ZNF503: variants seen among roughly 807,000 people sequenced by gnomAD.
ZNF503 encodes the protein zinc finger protein 503, also known as NocA-like zinc finger 2.
A neutral mutation model predicts 34.4 loss-of-function variants in ZNF503; 15 were observed. The ratio of observed to expected loss-of-function variants is 0.44; its 90% CI spans 0.29 to 0.67. ZNF503 has a LOEUF of 0.67. Ranked by LOEUF, ZNF503 falls within the 30% of genes least tolerant of loss-of-function variation. The pLI, the probability that ZNF503 is intolerant of heterozygous loss-of-function variation, is 0.13. For synonymous variants in ZNF503, 580 were observed against 456.8 expected (o/e 1.27, Z -3.44); for missense variants, 1,007 against 926.8 (o/e 1.09, Z -1.12).
chr10:75,319,297 C>T, the ZNF503 span, among the ~76,000 whole-genome samples: 1 of 152,108 alleles, frequency 6.6e-6, no homozygotes, highest in African/African-American at 2.4e-5. Flanking sequence ...AAAATTATAA[C>T]ACCATCTTAG....
the ZNF503 span, among the ~76,000 whole-genome samples, chr10:75,306,446 A>G: frequency 6.6e-6 from 1 of 152,186 alleles, no homozygotes; most frequent in African/African-American, 2.4e-5. Flanking sequence ...CTGGATATAA[A>G]TCTCTAATAT....
chr10:75,326,330 A>G, the ZNF503 span, among the ~76,000 whole-genome samples: 3 of 152,100 alleles, frequency 2.0e-5, no homozygotes, highest in Admixed American at 2.0e-4. Context: ...TCTTTTCTGA[A>G]TATCTGTGAT....
chr10:75,301,489 C>T, the ZNF503 span, among the ~76,000 whole-genome samples: 1 of 152,198 alleles, frequency 6.6e-6, no homozygotes, highest in African/African-American at 2.4e-5. Context: ...AATCCACCCA[C>T]CTTGGCCTCC....
At position 75,400,091 on chromosome 10, in the gene ZNF503, C is replaced by T. The variant is rs750863862; in HGVS notation, c.599G>A (p.Gly200Asp). The T allele has an allele frequency of 6.5e-7, 1 of 1,545,064 alleles. No individual in the cohort carries two copies. Among genetic ancestry groups the T allele is most frequent in the Non-Finnish European group, 8.7e-7 (1 of 1,146,076 alleles). Residue 200 changes from glycine (G) to aspartate (D), a missense_variant, in exon 2 of 2, where the codon GGC (glycine) becomes GAC (aspartate). By Grantham distance (94) the Gly-to-Asp change is moderately conservative. Transcript: ENST00000372524. ...GGGGGGGGGGGGGGGVSSEKS... is the reference protein window; with the variant it reads ...GGGGGGGGGGDGGGGVSSEKS... ...CTCCGACGAAACACCCCCGCCGCCG[C>T]CCCCGCCACCGCCACCGCCTCCACC...
At chr10:75,372,562 G>C in the ZNF503 span, among the ~76,000 whole-genome samples, 1 of 152,222 alleles carries the variant, frequency 6.6e-6, no homozygotes, top group African/African-American at 2.4e-5. Context: ...CCTGGCCAGG[G>C]TGGCCAGAGT....
the ZNF503 span, among the ~76,000 whole-genome samples, chr10:75,377,760 G>T: frequency 6.6e-6 from 1 of 152,194 alleles, no homozygotes; most frequent in African/African-American, 2.4e-5. Context: ...AGGTCTGCAT[G>T]GCCACACATG....
the ZNF503 span, among the ~76,000 whole-genome samples, chr10:75,282,452 T>C: frequency 2.6e-5 from 4 of 152,058 alleles, no homozygotes; most frequent in East Asian, 3.9e-4. Flanking sequence ...AGCAGGAAGA[T>C]AGAAAGAGTC....
chr10:75,336,785 G>C, the ZNF503 span, among the ~76,000 whole-genome samples: 1 of 152,182 alleles, frequency 6.6e-6, no homozygotes, highest in Non-Finnish European at 1.5e-5. Context: ...CTGTGGGACT[G>C]AGGTCCCCAT....
chr10:75,376,896 C>G, the ZNF503 span, among the ~76,000 whole-genome samples: 1 of 152,114 alleles, frequency 6.6e-6, no homozygotes, highest in Admixed American at 6.5e-5. Context: ...GGGAACCGCC[C>G]CATGATTCAA....
the ZNF503 span, among the ~76,000 whole-genome samples, chr10:75,336,850 T>C: frequency 6.6e-6 from 1 of 152,196 alleles, no homozygotes; most frequent in East Asian, 1.9e-4. Context: ...CTCAGATCCT[T>C]CCATGTGGCC....
At chr10:75,300,819 C>T in the ZNF503 span, among the ~76,000 whole-genome samples, 1 of 150,146 alleles carries the variant, frequency 6.7e-6, no homozygotes, top group South Asian at 2.1e-4. Flanking sequence ...GATTCTCCTG[C>T]CTCAGCCTCC....
the ZNF503 span, among the ~76,000 whole-genome samples, chr10:75,334,592 G>C: frequency 8.9e-3 from 1,353 of 152,182 alleles, 23 homozygotes; most frequent in African/African-American, 0.031. Flanking sequence ...ATCTTGGATC[G>C]GGCTGGTTTA....
At chr10:75,301,466 C>G in the ZNF503 span, among the ~76,000 whole-genome samples, 22 of 152,274 alleles carry the variant, frequency 1.4e-4, no homozygotes, top group Non-Finnish European at 2.6e-4. Context: ...GTCTCAGACT[C>G]CTGAGCTCAG....
chr10:75,292,288 GTCTGAGGGC>G, the ZNF503 span, among the ~76,000 whole-genome samples: 1 of 152,174 alleles, frequency 6.6e-6, no homozygotes, highest in Non-Finnish European at 1.5e-5. Context: ...CTGAACACAA[GTCTGAGGGC>G]TCTCTTTCAT....
chr10:75,348,959 A>ACT, the ZNF503 span, among the ~76,000 whole-genome samples: 9 of 149,624 alleles, frequency 6.0e-5, no homozygotes, highest in East Asian at 2.0e-4. Flanking sequence ...TTTGCTATAT[A>ACT]CTCTCTCTCT....
the ZNF503 span, among the ~76,000 whole-genome samples, chr10:75,300,488 T>C: frequency 1.1e-3 from 169 of 152,246 alleles, 3 homozygotes; most frequent in East Asian, 1.2e-3. Context: ...AGGGTATTGA[T>C]TGGGGAAGTG....
At chr10:75,300,370 T>A in the ZNF503 span, among the ~76,000 whole-genome samples, 2 of 152,186 alleles carry the variant, frequency 1.3e-5, no homozygotes, top group Non-Finnish European at 2.9e-5. Flanking sequence ...CTACAATTTG[T>A]GCAGTTAACG....
chr10:75,329,116 T>C, the ZNF503 span, among the ~76,000 whole-genome samples: 1 of 152,148 alleles, frequency 6.6e-6, no homozygotes, highest in Non-Finnish European at 1.5e-5. Context: ...ATCATAGAGA[T>C]CTTTTACCTC....
the ZNF503 span, among the ~76,000 whole-genome samples, chr10:75,284,389 T>A: frequency 3.6e-5 from 5 of 139,142 alleles, no homozygotes; most frequent in Non-Finnish European, 7.7e-5. Context: ...GGGGCGTTGG[T>A]GGGGAGGGTT....
Sources: gnomAD v4.1 joint callset for allele counts (sites outside exome capture counted in the v4.1 genomes callset) on GRCh38, gnomAD v4.1.1 for gene constraint, MANE v1.5 for transcripts, NCBI Gene and HGNC (gene_info 2026-07-23, HGNC 2026-07-21) for gene names.